ANK3: variants seen among roughly 807,000 people sequenced by gnomAD.
ANK3 encodes ankyrin-3.
ANK3 carries 57 observed loss-of-function variants against 370.9 expected under a neutral mutation model. The observed-to-expected ratio is 0.15, with a 90% confidence interval of 0.12 to 0.19. ANK3 has a LOEUF of 0.19. Ranked by LOEUF, ANK3 falls within the 10% of genes least tolerant of loss-of-function variation. The pLI, the probability that ANK3 is intolerant of heterozygous loss-of-function variation, is 1.00. For synonymous variants in ANK3, 1,929 were observed against 1,946.3 expected (o/e 0.99, Z 0.23); for missense variants, 4,439 against 5,302.1 (o/e 0.84, Z 5.06).
chr10:60,177,179 A>T (rs2095991220), intron 18 of ANK3, among the ~76,000 whole-genome samples: 1 of 152,174 alleles, frequency 6.6e-6, no homozygotes, highest in Non-Finnish European at 1.5e-5. Context: ...ACCTTTGGAC[A>T]GCCCTCCTTT....
chr10:60,643,547 T>G (rs1404817201), intron 1 of ANK3, among the ~76,000 whole-genome samples: 1 of 151,694 alleles, frequency 6.6e-6, no homozygotes, highest in African/African-American at 2.4e-5. Flanking sequence ...TATCTATCCA[T>G]CCATCCTATT....
chr10:60,184,357 A>G (rs1303373189), intron 17 of ANK3, among the ~76,000 whole-genome samples: 1 of 152,204 alleles, frequency 6.6e-6, no homozygotes, highest in African/African-American at 2.4e-5. Flanking sequence ...TTCTGTTTTC[A>G]CATCAGGGCA....
chr10:60,071,266 C>T lies in ANK3; in HGVS notation c.9615G>A (p.Glu3205=), dbSNP rs1299545028. The T allele has an allele frequency of 6.2e-7, 1 of 1,613,994 alleles. No homozygotes were observed. Among genetic ancestry groups the T allele is most frequent in the Non-Finnish European group, 8.5e-7 (1 of 1,180,000 alleles). The part of the protein sequence containing the change: ...GKPSPIPEVS[E]ESEEEEQAKS... ...TGGCCTGTTCCTCCTCCTCTGACTC[C>T]TCAGAAACCTCGGGAATTGGGCTGG... The change falls in exon 37 of 44, where the codon GAG becomes GAA. Residue 3205 remains glutamate (E), a synonymous_variant. Coordinates refer to ENST00000280772, the MANE Select transcript of ANK3 (RefSeq NM_020987.5).
intron 35 of ANK3, chr10:60,081,516 T>A: frequency 2.3e-6 from 1 of 441,456 alleles, no homozygotes; most frequent in Non-Finnish European, 4.5e-6. Context: ...TTAATTGAAC[T>A]ATATTCTTAA....
intron 1 of ANK3, among the ~76,000 whole-genome samples, chr10:60,680,050 G>A (rs1037875806): frequency 6.8e-6 from 1 of 147,188 alleles, no homozygotes; most frequent in Non-Finnish European, 1.5e-5. Context: ...CACAAGAATC[G>A]CTTAAACCCA....
rs576607189 is a variant in ANK3, at chr10:60,120,491, C to T, written c.2842-6160G>A. On this transcript the variant is annotated intron_variant, in intron 25 of 43. Coordinates refer to ENST00000280772, the MANE Select transcript of ANK3 (RefSeq NM_020987.5). ...GGATCACATCAAGTTGAAAAGCTTCCGCACAGCAAAAGAAACAATCAGCAA... is the reference window on the plus strand; with the variant it reads ...GGATCACATCAAGTTGAAAAGCTTCTGCACAGCAAAAGAAACAATCAGCAA... Among the ~76,000 whole-genome samples the T allele has an allele frequency of 4.9e-4, 75 of 152,036 alleles. 1 individual carries two copies. The highest frequency in any genetic ancestry group is 3.4e-3 in the Middle Eastern group (1 of 294).
chr10:60,315,385 GA>G (rs1293046284), intron 1 of ANK3, among the ~76,000 whole-genome samples: 1 of 152,056 alleles, frequency 6.6e-6, no homozygotes, highest in Non-Finnish European at 1.5e-5. Flanking sequence ...ATCCACAGTA[GA>G]TCACTGGTTA....
At chr10:60,485,417 G>T in intron 2 of ANK3, among the ~76,000 whole-genome samples, 1 of 152,202 alleles carries the variant, frequency 6.6e-6, no homozygotes, top group East Asian at 1.9e-4. Context: ...AGGGAATCTC[G>T]GAGATATGTT....
intron 1 of ANK3, among the ~76,000 whole-genome samples, chr10:60,292,864 C>T (rs766649508): frequency 5.3e-5 from 8 of 152,024 alleles, no homozygotes; most frequent in African/African-American, 9.7e-5. Flanking sequence ...CCCACAACCA[C>T]GCCCGACTAA....
intron 21 of ANK3, among the ~76,000 whole-genome samples, chr10:60,170,272 C>G (rs1358248802): frequency 6.6e-6 from 1 of 152,178 alleles, no homozygotes; most frequent in African/African-American, 2.4e-5. Flanking sequence ...AAGACATTCT[C>G]TTTTTGTTTT....
At chr10:60,159,267 C>T (rs992936292) in intron 23 of ANK3, among the ~76,000 whole-genome samples, 1 of 151,834 alleles carries the variant, frequency 6.6e-6, no homozygotes, top group African/African-American at 2.4e-5. Flanking sequence ...AAAAAAGGAA[C>T]AGGAATAGCT....
At chr10:60,182,268 G>A (rs960235102) in intron 17 of ANK3, among the ~76,000 whole-genome samples, 9 of 152,010 alleles carry the variant, frequency 5.9e-5, no homozygotes, top group East Asian at 1.9e-4. Flanking sequence ...AGGAAAGATC[G>A]CCTGTGAAAT....
chr10:60,581,464 G>A (rs975472035), intron 2 of ANK3, among the ~76,000 whole-genome samples: 10 of 139,830 alleles, frequency 7.2e-5, no homozygotes, highest in East Asian at 2.0e-4. Flanking sequence ...TCGCTTTGTC[G>A]CCCAGGCTGG....
intron 1 of ANK3, among the ~76,000 whole-genome samples, chr10:60,323,090 G>A (rs1352856674): frequency 2.0e-5 from 3 of 152,174 alleles, no homozygotes; most frequent in Non-Finnish European, 4.4e-5. Flanking sequence ...ATGATCCCAG[G>A]AAACATCACA....
chr10:60,257,006 G>T (rs1051283345), intron 7 of ANK3, among the ~76,000 whole-genome samples: 2 of 152,182 alleles, frequency 1.3e-5, no homozygotes, highest in African/African-American at 4.8e-5. Flanking sequence ...TTGCTGGGTT[G>T]AATGGTAGTT....
intron 38 of ANK3, among the ~76,000 whole-genome samples, chr10:60,066,952 C>T (rs539675519): frequency 6.6e-6 from 1 of 152,234 alleles, no homozygotes; most frequent in East Asian, 1.9e-4. Flanking sequence ...TGGAGTCTCA[C>T]GCTATTACCC....
chr10:60,180,241 T>C (rs73263118), intron 18 of ANK3, among the ~76,000 whole-genome samples: 2,762 of 152,250 alleles, frequency 0.018, 81 homozygotes, highest in African/African-American at 0.063. Flanking sequence ...ATATTACATA[T>C]AAAAATTTTA....
rs151174080 is a variant in ANK3, at chr10:60,648,837, C to A, written c.58-33613G>T. Among the ~76,000 whole-genome samples, 275 of 143,164 alleles carry A rather than the reference C, an allele frequency of 1.9e-3. 2 individuals carry two copies. Among genetic ancestry groups the A allele is most frequent in the African/African-American group, 6.7e-3 (261 of 39,020 alleles). 93.9% of individuals were successfully genotyped at this position (143,164 alleles called of 152,430 possible). ...TGCTCCTCTTCCCACCCCAGATACA[C>A]CCCTTCCAGCTATTTCCAAGCTGCT... On this transcript the variant is annotated intron_variant, in intron 1 of 43. Coordinates refer to the ANK3 transcript ENST00000373827.
chr10:60,246,272 A>G (rs1296801417), intron 7 of ANK3, among the ~76,000 whole-genome samples: 1 of 149,060 alleles, frequency 6.7e-6, no homozygotes, highest in Admixed American at 6.8e-5. Context: ...AAAAAAAAAA[A>G]AAAAAAAAAG....
Sources: gnomAD v4.1 joint callset for allele counts (sites outside exome capture counted in the v4.1 genomes callset) on GRCh38, gnomAD v4.1.1 for gene constraint, MANE v1.5 for transcripts, NCBI Gene and HGNC (gene_info 2026-07-23, HGNC 2026-07-21) for gene names.